Variants in PRKG1 observed in about 807,000 individuals in gnomAD.
PRKG1 encodes the protein cGMP-dependent protein kinase 1.
Under a neutral mutation model 88.1 loss-of-function variants are expected in PRKG1, and 35 were observed. That is an observed-to-expected ratio of 0.40 (90% CI 0.30 to 0.53). PRKG1 has a LOEUF of 0.53. Ranked by LOEUF, PRKG1 falls within the 20% of genes least tolerant of loss-of-function variation. The pLI, the probability that PRKG1 is intolerant of heterozygous loss-of-function variation, is 0.59. For synonymous variants in PRKG1, 303 were observed against 292.5 expected, an observed-to-expected ratio of 1.04 and a Z score of -0.37; for missense variants, 540 against 839.8, an observed-to-expected ratio of 0.64 and a Z score of 4.41.
chr10:51,611,331 A>G (rs190209677), intron 3 of PRKG1, among the ~76,000 whole-genome samples: 1 of 151,382 alleles, frequency 6.6e-6, no homozygotes, highest in Admixed American at 6.6e-5. Flanking sequence ...CTAGGGTGAG[A>G]TGATATCTCA....
intron 10 of PRKG1, among the ~76,000 whole-genome samples, chr10:52,261,406 A>G (rs924522147): frequency 2.6e-5 from 4 of 151,988 alleles, no homozygotes; most frequent in African/African-American, 4.8e-5. Context: ...GAAAAGGCAT[A>G]TATATATAAT....
At chr10:51,560,330 A>T (rs1441594095) in intron 3 of PRKG1, among the ~76,000 whole-genome samples, 2 of 152,164 alleles carry the variant, frequency 1.3e-5, no homozygotes, top group African/African-American at 4.8e-5. Context: ...CTCTGCACAA[A>T]AGCCAAGCTA....
At chr10:51,098,378 G>A (rs118154996) in intron 1 of PRKG1, among the ~76,000 whole-genome samples, 241 of 152,214 alleles carry the variant, frequency 1.6e-3, no homozygotes, top group Non-Finnish European at 2.6e-3. Flanking sequence ...CACCTTTCCC[G>A]TGTCCCAGAG....
intron 2 of PRKG1, among the ~76,000 whole-genome samples, chr10:51,303,156 A>G (rs1840937615): frequency 6.6e-6 from 1 of 152,154 alleles, no homozygotes; most frequent in African/African-American, 2.4e-5. Context: ...AGGGACATAA[A>G]TGTAAGATAT....
intron 5 of PRKG1, among the ~76,000 whole-genome samples, chr10:51,994,125 C>G (rs779354124): frequency 3.3e-5 from 5 of 152,162 alleles, no homozygotes; most frequent in Non-Finnish European, 7.4e-5. Flanking sequence ...CTACTGCTTG[C>G]TGTGTTCACC....
At chr10:52,156,140 A>G (rs550907090) in intron 8 of PRKG1, among the ~76,000 whole-genome samples, 1 of 152,072 alleles carries the variant, frequency 6.6e-6, no homozygotes, top group South Asian at 2.1e-4. Context: ...ACACAGACAA[A>G]CATCTAATAC....
At chr10:51,925,626 G>A (rs1436140777) in intron 5 of PRKG1, among the ~76,000 whole-genome samples, 1 of 152,084 alleles carries the variant, frequency 6.6e-6, no homozygotes, top group African/African-American at 2.4e-5. Flanking sequence ...GGAGAACACA[G>A]AGCTCGGAAT....
At chr10:51,036,328 G>T (rs1843353896) in intron 1 of PRKG1, among the ~76,000 whole-genome samples, 1 of 152,112 alleles carries the variant, frequency 6.6e-6, no homozygotes, top group South Asian at 2.1e-4. Flanking sequence ...TTGAACAGAT[G>T]AATGACAGGT....
At chr10:52,131,952 T>G (rs1296549920) in intron 7 of PRKG1, among the ~76,000 whole-genome samples, 1 of 150,654 alleles carries the variant, frequency 6.6e-6, no homozygotes, top group Non-Finnish European at 1.5e-5. Flanking sequence ...GATGATGTAG[T>G]ATGGTGGGTG....
At chr10:52,012,847 A>C (rs1264916391) in intron 5 of PRKG1, among the ~76,000 whole-genome samples, 1 of 152,200 alleles carries the variant, frequency 6.6e-6, no homozygotes, top group Non-Finnish European at 1.5e-5. Flanking sequence ...TTTTCACAGA[A>C]TACCATGTGT....
chr10:52,101,237 G>T (rs1251846665), intron 7 of PRKG1, among the ~76,000 whole-genome samples: 1 of 152,066 alleles, frequency 6.6e-6, no homozygotes, highest in Non-Finnish European at 1.5e-5. Context: ...GCTTTCAAAG[G>T]CCACTGATAT....
intron 1 of PRKG1, among the ~76,000 whole-genome samples, chr10:50,992,066 C>T (rs1391242489): frequency 1.3e-5 from 2 of 152,116 alleles, no homozygotes; most frequent in Non-Finnish European, 2.9e-5. Context: ...ACCCCCCGGA[C>T]TCAGGCCACT....
At chr10:51,909,403 C>A (rs1248095981) in intron 5 of PRKG1, 3 of 151,958 alleles carry the variant, frequency 2.0e-5, no homozygotes, top group African/African-American at 7.3e-5. Flanking sequence ...TATTATAAAA[C>A]CATGAATCGA....
chr10:51,278,863 G>T (rs994997700), intron 2 of PRKG1, among the ~76,000 whole-genome samples: 2 of 151,816 alleles, frequency 1.3e-5, no homozygotes, highest in African/African-American at 4.8e-5. Flanking sequence ...TATTAGTATT[G>T]CTAGCGGTCA....
chr10:51,084,906 C>T (rs1844209976), intron 1 of PRKG1, among the ~76,000 whole-genome samples: 4 of 152,146 alleles, frequency 2.6e-5, no homozygotes, highest in Non-Finnish European at 5.9e-5. Flanking sequence ...TAATATCAAG[C>T]TTTCACCAGA....
At chr10:51,529,577 G>T (rs1841965474) in intron 3 of PRKG1, among the ~76,000 whole-genome samples, 1 of 151,942 alleles carries the variant, frequency 6.6e-6, no homozygotes, top group African/African-American at 2.4e-5. Context: ...CTTTTGTTGT[G>T]TCTTTGCATG....
chr10:50,995,569 T>TC (rs1842829055), intron 1 of PRKG1, among the ~76,000 whole-genome samples: 2 of 152,204 alleles, frequency 1.3e-5, no homozygotes, highest in Admixed American at 1.3e-4. Flanking sequence ...GCCAAAGAAC[T>TC]CCAAGTGTTT....
intron 2 of PRKG1, among the ~76,000 whole-genome samples, chr10:51,316,189 T>A (rs1368791752): frequency 6.6e-6 from 1 of 152,184 alleles, no homozygotes; most frequent in African/African-American, 2.4e-5. Context: ...TATTCAAATG[T>A]CCCCTTGGGT....
At chr10:51,206,923 T>C (rs1176254011) in intron 2 of PRKG1, among the ~76,000 whole-genome samples, 1 of 152,238 alleles carries the variant, frequency 6.6e-6, no homozygotes, top group Non-Finnish European at 1.5e-5. Context: ...TATATGTACA[T>C]GCCAGGAAAG....
Sources: allele counts gnomAD v4.1 joint callset (sites outside exome capture counted in the v4.1 genomes callset), GRCh38; gene constraint gnomAD v4.1.1; transcripts MANE v1.5; gene names NCBI Gene and HGNC (gene_info 2026-07-23, HGNC 2026-07-21).